CTU2: variants seen among roughly 807,000 people sequenced by gnomAD.
CTU2 encodes cytoplasmic tRNA 2-thiolation protein 2.
In CTU2, 80 loss-of-function variants were observed where a neutral mutation model predicts 64.1. The ratio of observed to expected loss-of-function variants is 1.25; its 90% CI spans 1.04 to 1.50. CTU2 has a LOEUF of 1.50. CTU2 is among the 40% of genes most tolerant of loss of function. The probability of loss-of-function intolerance (pLI) is 0.00; values close to 1 mark genes in which losing one functional copy is unlikely to be tolerated. For missense variants in CTU2, 1,110 were observed against 690.2 expected, an observed-to-expected ratio of 1.61 and a Z score of -6.81; for synonymous variants, 482 against 285.3, an observed-to-expected ratio of 1.69 and a Z score of -6.95.
At chr16:88,714,279 C>G in intron 10 of CTU2, 52 bp downstream of exon 10, 1 of 1,203,694 alleles carries the variant, frequency 8.3e-7, no homozygotes, top group South Asian at 1.2e-5. Flanking sequence ...GTGCTGTGCG[C>G]GGGTGTGTGC....
intron 4 of CTU2, 29 bp downstream of exon 4, chr16:88,710,311 G>A (rs1911214991): frequency 6.2e-7 from 1 of 1,612,544 alleles, no homozygotes; most frequent in Non-Finnish European, 8.5e-7. Flanking sequence ...GTGGGCCCGG[G>A]CTGCTGGGCT....
At chr16:88,707,988 AT>A in intron 2 of CTU2, among the ~76,000 whole-genome samples, 1 of 151,784 alleles carries the variant, frequency 6.6e-6, no homozygotes, top group Non-Finnish European at 1.5e-5. Context: ...TTGTTTTTGT[AT>A]TTTTAGTAGA....
intron 2 of CTU2, among the ~76,000 whole-genome samples, chr16:88,708,585 C>T (rs954257869): frequency 2.0e-5 from 3 of 152,128 alleles, no homozygotes; most frequent in Admixed American, 6.5e-5. Flanking sequence ...TTGATACTTG[C>T]CAGTTACCTG....
Position 88,712,385 on chromosome 16 carries a change from T to A in CTU2, c.453+2T>A. Reference sequence around the variant, plus strand: ...TGGCATGTGGTGGCCTTAGAGGAGGTGGGAGGGCTGTCCCTGGAAAGGGGT... The same window carrying A: ...TGGCATGTGGTGGCCTTAGAGGAGGAGGGAGGGCTGTCCCTGGAAAGGGGT... On this transcript the variant is annotated splice_donor_variant, in intron 6 of 14. Coordinates refer to ENST00000453996, the MANE Select transcript of CTU2 (RefSeq NM_001012759.3). LOFTEE classifies it high-confidence loss of function. 6.3e-7 allele frequency: 1 copy of A among 1,596,558 alleles called. No individual in the cohort carries two copies. Among genetic ancestry groups the A allele is most frequent in the African/African-American group, 1.3e-5 (1 of 74,504 alleles).
chr16:88,712,536 T>A, intron 6 of CTU2, 86 bp from the exon 7 acceptor site: 5 of 1,535,416 alleles, frequency 3.3e-6, no homozygotes, highest in Non-Finnish European at 4.4e-6. Context: ...CTCACTGCCG[T>A]CTCCCGCATC....
chr16:88,707,371 G>A (rs555858256), intron 2 of CTU2, among the ~76,000 whole-genome samples, 161 bp downstream of exon 2: 3 of 152,330 alleles, frequency 2.0e-5, no homozygotes, highest in African/African-American at 7.2e-5. Context: ...AAGTGGAGGC[G>A]AAAGCATTGG....
chr16:88,713,318 C>T lies in CTU2; in HGVS notation c.744C>T (p.His248=). Residue 248 remains histidine (H), a synonymous_variant, in exon 8 of 15, where the codon CAC becomes CAT. Transcript: ENST00000453996. The stretch of plus-strand genomic sequence containing the variant: ...GAGACGCTCTGTGCTTTAGGACCCA[C>T]CTGATCCTCCACATGGCCCGAGCCC... ...KEELLQTLRT[H]LILHMARAHG... 3 of 1,597,600 alleles carry T rather than the reference C, an allele frequency of 1.9e-6. No individual in the cohort carries two copies. The highest frequency in any genetic ancestry group is 2.6e-6 in the Non-Finnish European group (3 of 1,173,726).
At position 88,714,415 on chromosome 16, in the gene CTU2, A is replaced by T. The variant is rs149927003; in HGVS notation, c.1130A>T (p.Asp377Val). 6 of 1,612,286 alleles carry T rather than the reference A, an allele frequency of 3.7e-6. No homozygotes were observed. The highest frequency in any genetic ancestry group is 2.7e-5 in the African/African-American group (2 of 74,876). ...TSEKLVKGPR[D>V]GPAAGDSGPR... The stretch of plus-strand genomic sequence containing the variant: ...GAGAAGCTGGTGAAGGGCCCCCGGG[A>T]TGGCCCTGCTGCTGGCGACTCCGGC... The change falls in exon 11 of 15, where the codon GAT becomes GTT. Residue 377 changes from aspartate to valine, a missense_variant. By Grantham distance (152) the Asp-to-Val change is radical (BLOSUM62 -3). Coordinates refer to ENST00000453996, the MANE Select transcript of CTU2 (RefSeq NM_001012759.3).
intron 2 of CTU2, among the ~76,000 whole-genome samples, chr16:88,707,811 T>TG (rs1567644961): frequency 1.7e-5 from 1 of 58,278 alleles, no homozygotes; most frequent in African/African-American, 4.8e-5. Context: ...TTGTTGTTGT[T>TG]GTTTTTTTTG....
In CTU2 at chr16:88,714,976, C is replaced by CTGT. The variant is rs3217719; in HGVS notation, c.1419+50_1419+51insTGT. ...GGCCGGGCTTGGGGACGCGGGAAGGCCGTCACCTCGTGGGTGGCTTGAGGG... is the reference window on the plus strand; with the variant it reads ...GGCCGGGCTTGGGGACGCGGGAAGGCTGTCGTCACCTCGTGGGTGGCTTGAGGG... On this transcript the variant is annotated intron_variant, in intron 13 of 14. Transcript: ENST00000453996. The CTGT allele has an allele frequency of 0.24, 380,965 of 1,603,162 alleles. 52,549 individuals are homozygous for CTGT. Among genetic ancestry groups the CTGT allele is most frequent in the East Asian group, 0.63 (27,875 of 44,468 alleles).
chr16:88,707,223 G>C lies in CTU2; in HGVS notation c.143+13G>C, dbSNP rs745941232. The C allele has an allele frequency of 1.4e-5, 23 of 1,613,258 alleles. No individual in the cohort carries two copies. Among genetic ancestry groups the C allele is most frequent in the Non-Finnish European group, 2.0e-5 (23 of 1,179,484 alleles). On this transcript the variant is annotated intron_variant, in intron 2 of 14. Coordinates refer to ENST00000453996, the MANE Select transcript of CTU2 (RefSeq NM_001012759.3). The stretch of plus-strand genomic sequence containing the variant: ...ATGCCTTCTGCAGGTGAGGCCTGGA[G>C]GTGGCTGAGACCCTGGCAAACATGG...
At position 88,715,242 on chromosome 16, in the gene CTU2, C is replaced by T. The variant is rs763870073; in HGVS notation, c.1539C>T (p.Gly513=). 1.9e-6 allele frequency: 3 copies of T among 1,611,732 alleles called. No homozygotes were observed. The highest frequency in any genetic ancestry group is 1.1e-5 in the South Asian group (1 of 91,080). ...CLIEDSDDEA[G]QS is the part of the protein sequence containing the mutation. ...TTGAGGACAGTGACGACGAGGCGGGCCAGAGCTGAGCGTGAGGACGTGCTT... is the reference window on the plus strand; with the variant it reads ...TTGAGGACAGTGACGACGAGGCGGGTCAGAGCTGAGCGTGAGGACGTGCTT... The change falls in exon 15 of 15, where the codon GGC becomes GGT. Residue 513 remains glycine (G), a synonymous_variant. Coordinates refer to ENST00000453996, the MANE Select transcript of CTU2 (RefSeq NM_001012759.3).
chr16:88,708,533 G>C (rs1039643939), intron 2 of CTU2, among the ~76,000 whole-genome samples: 5 of 152,094 alleles, frequency 3.3e-5, no homozygotes, highest in African/African-American at 9.7e-5. Flanking sequence ...GACTCCCCAC[G>C]CCCAAAGCTG....
At position 88,711,737 on chromosome 16, in the gene CTU2, G is replaced by C. The variant is rs574921451; in HGVS notation, c.343+42G>C. 3 of 1,569,938 alleles carry C rather than the reference G, an allele frequency of 1.9e-6. No homozygotes were observed. The African/African-American group carries it at 4.1e-5, about 21-fold the overall frequency. On this transcript the variant is annotated intron_variant, in intron 5 of 14. Coordinates refer to ENST00000453996, the MANE Select transcript of CTU2 (RefSeq NM_001012759.3). ...CTCCTCCTAGTCCCTGGCCACTTGG[G>C]GTAAGCCCTGCGGATCCTCCCTCTG...
intron 4 of CTU2, 128 bp downstream of exon 4, chr16:88,710,410 TG>T (rs1256912956): frequency 7.8e-6 from 7 of 901,180 alleles, no homozygotes; most frequent in East Asian, 4.9e-5. Flanking sequence ...CCTGGACACT[TG>T]GGGGGTTCTC....
chr16:88,706,658 C>G, intron 1 of CTU2, 60 bp downstream of exon 1: 4 of 1,228,736 alleles, frequency 3.3e-6, no homozygotes, highest in Non-Finnish European at 4.2e-6. Context: ...CACTCCTGCC[C>G]CGAAGGGTCC....
rs200076111 is a variant in CTU2 at position 88,714,438 on chromosome 16, G to T, written c.1153G>T (p.Gly385Cys). The change falls in exon 11 of 15, where the codon GGC (glycine) becomes TGC (cysteine). Residue 385 changes from glycine (G) to cysteine (C), a missense_variant. Coordinates refer to ENST00000453996, the MANE Select transcript of CTU2 (RefSeq NM_001012759.3). Reference protein sequence around the residue: ...PRDGPAAGDSGPRCLLCMCAL... With the variant: ...PRDGPAAGDSCPRCLLCMCAL... ...GGATGGCCCTGCTGCTGGCGACTCC[G>T]GCCCCCGCTGCCTCCTCTGCATGTG... The T allele has an allele frequency of 3.1e-6, 5 of 1,612,524 alleles. No individual in the cohort carries two copies. Among genetic ancestry groups the T allele is most frequent in the Admixed American group, 1.7e-5 (1 of 60,022 alleles).
chr16:88,711,997 GC>G (rs1911358242), intron 5 of CTU2: 1 of 611,588 alleles, frequency 1.6e-6, no homozygotes, highest in African/African-American at 1.9e-5. Context: ...ACAAAGAAGG[GC>G]AAGTTAAGTG....
rs1291713647 is a variant in CTU2, at chr16:88,715,115, GC to G, written c.1478+12del. 2 of 1,595,076 alleles carry G rather than the reference GC, an allele frequency of 1.3e-6. No individual in the cohort carries two copies. Among genetic ancestry groups the G allele is most frequent in the Admixed American group, 1.7e-5 (1 of 58,496 alleles). On this transcript the variant is annotated intron_variant, in intron 14 of 14. Coordinates refer to ENST00000453996, the MANE Select transcript of CTU2 (RefSeq NM_001012759.3). ...CAGCTCCGCACACAGAGGTACTGGGGCCCACACTGCCGTGGCGCGTGGGTAA... is the reference window on the plus strand; with the variant it reads ...CAGCTCCGCACACAGAGGTACTGGGGCCACACTGCCGTGGCGCGTGGGTAA...
Sources: gnomAD v4.1 joint callset for allele counts (sites outside exome capture counted in the v4.1 genomes callset) on GRCh38, gnomAD v4.1.1 for gene constraint, MANE v1.5 for transcripts, NCBI Gene and HGNC (gene_info 2026-07-23, HGNC 2026-07-21) for gene names.